Variants in SGCZ observed in about 807,000 individuals in gnomAD.
SGCZ encodes zeta-sarcoglycan.
SGCZ carries 40 observed loss-of-function variants against 41.3 expected under a neutral mutation model. The observed-to-expected ratio is 0.97, with a 90% CI of 0.75 to 1.26. The LOEUF (loss-of-function observed/expected upper bound fraction) is 1.26. Ranked by LOEUF, SGCZ falls within the 50% of genes most tolerant of loss-of-function variation. SGCZ has a pLI of 0.00. For missense variants in SGCZ, 552 were observed against 369.8 expected (o/e 1.49, Z -4.04); for synonymous variants, 206 against 137.5 (o/e 1.50, Z -3.49).
rs947165640 is a variant in SGCZ, at chr8:14,892,641, GA to G, written c.40-337716del. ...TGTTGATAGAACAATAAATATGCAA[GA>G]AAAAATAAGGATTGTTTATACATCA... On this transcript the variant is annotated intron_variant, in intron 1 of 7. Transcript: ENST00000382080. 1.1e-4 allele frequency among the ~76,000 whole-genome samples: 16 copies of G among 151,952 alleles called. No homozygotes were observed. In the South Asian group the frequency reaches 1.7e-3, roughly 16 times the overall value.
chr8:14,700,612 A>T (rs547188512), intron 1 of SGCZ, among the ~76,000 whole-genome samples: 1 of 152,070 alleles, frequency 6.6e-6, no homozygotes, highest in Non-Finnish European at 1.5e-5. Context: ...AACTAAAATA[A>T]AAGTTGATTC....
At chr8:14,196,505 G>T (rs1412153911) in intron 4 of SGCZ, among the ~76,000 whole-genome samples, 1 of 152,084 alleles carries the variant, frequency 6.6e-6, no homozygotes, top group Non-Finnish European at 1.5e-5. Context: ...AACACAAATT[G>T]ACTACATGAA....
intron 1 of SGCZ, among the ~76,000 whole-genome samples, chr8:14,995,713 C>A (rs902833424): frequency 6.6e-6 from 1 of 152,142 alleles, no homozygotes; most frequent in Non-Finnish European, 1.5e-5. Flanking sequence ...TGTAAAATAG[C>A]ATAATAACAA....
At chr8:14,549,599 G>T (rs114445446) in intron 2 of SGCZ, among the ~76,000 whole-genome samples, 1 of 152,066 alleles carries the variant, frequency 6.6e-6, no homozygotes, top group Non-Finnish European at 1.5e-5. Context: ...AACAGCTTCT[G>T]CTCCTTAGGG....
intron 1 of SGCZ, among the ~76,000 whole-genome samples, chr8:14,829,947 G>A (rs1020437007): frequency 6.6e-6 from 1 of 152,070 alleles, no homozygotes; most frequent in East Asian, 1.9e-4. Flanking sequence ...GAGTAGCTGG[G>A]ACTACAGGCG....
intron 2 of SGCZ, among the ~76,000 whole-genome samples, chr8:14,399,610 G>T (rs1048123588): frequency 6.6e-6 from 1 of 151,774 alleles, no homozygotes; most frequent in Non-Finnish European, 1.5e-5. Context: ...TCAGTATTTT[G>T]CAAATGCAAA....
At chr8:14,756,639 A>G (rs1301485063) in intron 1 of SGCZ, among the ~76,000 whole-genome samples, 2 of 152,182 alleles carry the variant, frequency 1.3e-5, no homozygotes, top group African/African-American at 2.4e-5. Context: ...CTTCTAATTC[A>G]TTTGTTTTTT....
intron 1 of SGCZ, among the ~76,000 whole-genome samples, chr8:14,629,252 T>A (rs1310352657): frequency 6.6e-6 from 1 of 152,074 alleles, no homozygotes; most frequent in African/African-American, 2.4e-5. Context: ...GTTTACTTCG[T>A]GTGATTTGCA....
intron 2 of SGCZ, among the ~76,000 whole-genome samples, chr8:14,370,849 A>C (rs1803883874): frequency 6.6e-6 from 1 of 152,006 alleles, no homozygotes; most frequent in South Asian, 2.1e-4. Context: ...ATTGATTAAT[A>C]CAATGGCAGC....
intron 1 of SGCZ, among the ~76,000 whole-genome samples, chr8:14,842,965 C>A (rs1248595137): frequency 1.3e-5 from 2 of 152,214 alleles, no homozygotes; most frequent in Admixed American, 6.5e-5. Context: ...GTAATCCCAG[C>A]ACTCTGGGAG....
chr8:14,320,410 C>T (rs1015960238), intron 3 of SGCZ, among the ~76,000 whole-genome samples: 20 of 151,312 alleles, frequency 1.3e-4, no homozygotes, highest in Admixed American at 9.9e-4. Context: ...GCTCGCCTGG[C>T]CCCATGGCTT....
At chr8:14,746,381 A>T (rs530167493) in intron 1 of SGCZ, among the ~76,000 whole-genome samples, 1 of 152,138 alleles carries the variant, frequency 6.6e-6, no homozygotes, top group Non-Finnish European at 1.5e-5. Context: ...TGCTCAACTA[A>T]TAATAATAGA....
intron 1 of SGCZ, among the ~76,000 whole-genome samples, chr8:14,948,872 C>CTT (rs985881719): frequency 2.9e-5 from 2 of 68,184 alleles, no homozygotes; most frequent in Non-Finnish European, 6.2e-5. Context: ...CCTGTTACAG[C>CTT]TTTTTTCTCT....
At chr8:14,171,175 C>T (rs531689787) in intron 4 of SGCZ, among the ~76,000 whole-genome samples, 6 of 147,946 alleles carry the variant, frequency 4.1e-5, no homozygotes, top group Admixed American at 1.4e-4. Flanking sequence ...AAACTAACAC[C>T]TCAGAATTTT....
chr8:14,739,950 CA>C (rs1467575468), intron 1 of SGCZ, among the ~76,000 whole-genome samples: 1 of 151,984 alleles, frequency 6.6e-6, no homozygotes, highest in African/African-American at 2.4e-5. Context: ...ATATAATAAA[CA>C]ACATCTGCAT....
chr8:14,279,946 A>C (rs1800365577), intron 3 of SGCZ, among the ~76,000 whole-genome samples: 3 of 151,894 alleles, frequency 2.0e-5, no homozygotes, highest in Admixed American at 2.0e-4. Flanking sequence ...CCTAGATGTG[A>C]CAAGTCCAAA....
chr8:14,516,438 C>A (rs564493549), intron 2 of SGCZ, among the ~76,000 whole-genome samples: 12 of 152,136 alleles, frequency 7.9e-5, no homozygotes, highest in African/African-American at 2.6e-4. Flanking sequence ...ATCTAAGACA[C>A]ATTTATCAAT....
chr8:14,606,025 A>G (rs993723060), intron 1 of SGCZ, among the ~76,000 whole-genome samples: 1 of 152,102 alleles, frequency 6.6e-6, no homozygotes, highest in African/African-American at 2.4e-5. Context: ...CTATGTAAGC[A>G]CCATATCTAA....
At chr8:14,375,710 A>G (rs1330885010) in intron 2 of SGCZ, among the ~76,000 whole-genome samples, 1 of 152,190 alleles carries the variant, frequency 6.6e-6, no homozygotes, top group African/African-American at 2.4e-5. Context: ...TATGGGAAAC[A>G]TTTAAAGCAC....
Sources: allele counts gnomAD v4.1 joint callset (sites outside exome capture counted in the v4.1 genomes callset), GRCh38; gene constraint gnomAD v4.1.1; transcripts MANE v1.5; gene names NCBI Gene and HGNC (gene_info 2026-07-23, HGNC 2026-07-21).